OR10D3: variants seen among roughly 807,000 people sequenced by gnomAD.
OR10D3 encodes olfactory receptor family 10 subfamily D member 3, also known as olfactory receptor 10D3.
For missense variants in OR10D3, 286 were observed against 153.7 expected, an observed-to-expected ratio of 1.86 and a Z score of -4.55; for synonymous variants, 100 against 57.6, an observed-to-expected ratio of 1.74 and a Z score of -3.33.
chr11:124,185,283 ACTG>A, exon 2 of OR10D3: 1 of 702,966 alleles, frequency 1.4e-6, no homozygotes, highest in Non-Finnish European at 2.6e-6. Context: ...GAGGTGAAGA[ACTG>A]CTGCATGGTG....
exon 2 of OR10D3, chr11:124,185,970 G>A (rs776719911): frequency 3.8e-5 from 27 of 703,224 alleles, no homozygotes; most frequent in Middle Eastern, 2.3e-4. Flanking sequence ...ACTGAGGGCC[G>A]TCGCCGTGCC....
At chr11:124,183,622 A>G (rs1047429446) in intron 1 of OR10D3, among the ~76,000 whole-genome samples, 5 of 138,132 alleles carry the variant, frequency 3.6e-5, no homozygotes, top group Non-Finnish European at 1.5e-5. Context: ...CAGTGGCACG[A>G]TCTCAGCTCA....
chr11:124,185,719 G>T (rs1175521990), exon 2 of OR10D3: 2 of 703,598 alleles, frequency 2.8e-6, no homozygotes, highest in East Asian at 2.7e-5. Flanking sequence ...GCACATGGCT[G>T]TTAGGGTGCA....
chr11:124,184,007 C>T (rs1304908121), intron 1 of OR10D3, among the ~76,000 whole-genome samples: 3 of 152,132 alleles, frequency 2.0e-5, no homozygotes, highest in Non-Finnish European at 2.9e-5. Context: ...TTGATTCTTT[C>T]TTTGATGTAT....
chr11:124,187,344 T>C (rs548458830), exon 2 of OR10D3: 3 of 152,354 alleles, frequency 2.0e-5, no homozygotes, highest in East Asian at 1.9e-4. Flanking sequence ...TTTGGCCTCA[T>C]GCAACATCCT....
exon 2 of OR10D3, chr11:124,185,960 A>G (rs1861220015): frequency 2.8e-6 from 2 of 703,262 alleles, no homozygotes; most frequent in Middle Eastern, 2.3e-4. Flanking sequence ...CATTCGTACA[A>G]CTGAGGGCCG....
chr11:124,184,477 A>G (rs1375163022), intron 1 of OR10D3, among the ~76,000 whole-genome samples: 1 of 152,182 alleles, frequency 6.6e-6, no homozygotes, highest in Non-Finnish European at 1.5e-5. Flanking sequence ...ACATTTTAAG[A>G]GCCTGGTGAT....
At chr11:124,187,330 T>TA (rs1246157063) in exon 2 of OR10D3, 1 of 152,208 alleles carries the variant, frequency 6.6e-6, no homozygotes, top group African/African-American at 2.4e-5. Flanking sequence ...TATTTATACT[T>TA]ACATTTGGCC....
In OR10D3 at chr11:124,185,445, T is replaced by A. The variant is rs1337326186; in HGVS notation, c.176T>A (p.Met59Lys). The A allele has an allele frequency of 1.3e-5, 9 of 703,004 alleles. No homozygotes were observed. The Admixed American group carries it at 1.8e-4, about 14-fold the overall frequency. 43.5% of individuals were successfully genotyped at this position (703,004 alleles called of 1,614,324 possible). Reference sequence around the variant, plus strand: ...TCTTCTGCTCGCCTTCACACACCTATGTATTTCTTCCTGGGAAACTTGTCT... The same window carrying A: ...TCTTCTGCTCGCCTTCACACACCTAAGTATTTCTTCCTGGGAAACTTGTCT... The change falls in exon 2 of 2, where the codon ATG becomes AAG. Residue 59 changes from methionine (M) to lysine (K), a missense_variant. Physicochemically the swap from Met to Lys is moderately conservative, Grantham distance 95. Coordinates refer to ENST00000641351, the Ensembl canonical transcript of OR10D3.
exon 2 of OR10D3, chr11:124,186,676 T>C (rs1234819704): frequency 2.0e-5 from 3 of 152,744 alleles, no homozygotes; most frequent in Non-Finnish European, 4.4e-5. Context: ...TGCAGTGTTT[T>C]TTTTTCCTCC....
chr11:124,185,515 G>A (rs982769073), exon 2 of OR10D3: 5 of 703,184 alleles, frequency 7.1e-6, no homozygotes, highest in Middle Eastern at 4.6e-4. Context: ...CCAAAATGCT[G>A]CTCTACCTTA....
rs1861209396 is a variant in OR10D3 at position 124,185,429 on chromosome 11, CG to C, written c.161del (p.Arg54ProfsTer23). On this transcript the variant is annotated frameshift_variant, in exon 2 of 2. Transcript: ENST00000641351. LOFTEE classifies it low-confidence loss of function (END_TRUNC). ...CCTTGTTGCTGTTATGTCTTCTGCT[CG>C]CCTTCACACACCTATGTATTTCTTC... 1.4e-6 allele frequency: 1 copy of C among 702,970 alleles called. No homozygotes were observed. Among genetic ancestry groups the C allele is most frequent in the African/African-American group, 1.7e-5 (1 of 57,230 alleles). The allele number at this position is 702,970 out of a possible 1,614,324, so 43.5% of individuals were successfully genotyped here.
chr11:124,183,551 CTT>C (rs2137697247), intron 1 of OR10D3, among the ~76,000 whole-genome samples, 168 bp downstream of exon 1: 1 of 127,660 alleles, frequency 7.8e-6, no homozygotes, highest in East Asian at 2.3e-4. Flanking sequence ...TCCTTCCCTC[CTT>C]CCCTCCTTCC....
chr11:124,185,713 A>G (rs577474528), exon 2 of OR10D3: 10 of 703,580 alleles, frequency 1.4e-5, no homozygotes, highest in Admixed American at 1.0e-4. Flanking sequence ...CTGTGGGCAC[A>G]TGGCTGTTAG....
At chr11:124,185,219 G>T in intron 1 of OR10D3, 40 bp from the exon 2 acceptor site, 2 of 651,374 alleles carry the variant, frequency 3.1e-6, no homozygotes, top group Non-Finnish European at 5.5e-6. Context: ...AGCAAGCCAA[G>T]GCATTCTTCC....
chr11:124,185,735 T>A (rs1394187590), exon 2 of OR10D3: 2 of 703,502 alleles, frequency 2.8e-6, no homozygotes, highest in Non-Finnish European at 5.2e-6. Context: ...GTGCATTCAT[T>A]CCAGTATCTT....
exon 2 of OR10D3, chr11:124,187,895 A>G (rs1861243950): frequency 1.3e-5 from 2 of 152,194 alleles, no homozygotes; most frequent in African/African-American, 4.8e-5. Context: ...TATTGTTCCC[A>G]TTTTACTGTG....
exon 2 of OR10D3, chr11:124,185,827 C>T: frequency 1.4e-6 from 1 of 703,642 alleles, no homozygotes; most frequent in South Asian, 1.5e-5. Context: ...CACTGTTGCC[C>T]TTGGCCTGTG....
At position 124,185,597 on chromosome 11, in the gene OR10D3, A is replaced by G. The variant is rs552016933; in HGVS notation, c.328A>G (p.Ile110Val). 3 of 703,574 alleles carry G rather than the reference A, an allele frequency of 4.3e-6. No individual in the cohort carries two copies. In the South Asian group the frequency reaches 4.4e-5, roughly 10 times the overall value. 43.6% of individuals were successfully genotyped at this position (703,574 alleles called of 1,614,324 possible). A position where few individuals can be genotyped will look rare whatever the true frequency, so the allele number is the denominator to read the frequency against. Residue 110 changes from isoleucine to valine, a missense_variant, in exon 2 of 2, where the codon ATT becomes GTT. By Grantham distance (29) the Ile-to-Val change is conservative (BLOSUM62 3). Transcript: ENST00000641351. ...TTTCTTCTTCCATTTCCTCGGGAGC[A>G]TTGAGTGCTTCTTGTTTACGGTGAT... is the stretch of plus-strand genomic sequence containing the variant.
Sources: gnomAD v4.1 joint callset for allele counts (sites outside exome capture counted in the v4.1 genomes callset) on GRCh38, gnomAD v4.1.1 for gene constraint, MANE v1.5 for transcripts, NCBI Gene and HGNC (gene_info 2026-07-23, HGNC 2026-07-21) for gene names.